Variants in SLC8A1 observed in about 807,000 individuals in gnomAD.
SLC8A1 encodes the protein solute carrier family 8 member A1.
SLC8A1 carries 18 observed loss-of-function variants against 68.3 expected under a neutral mutation model. The observed-to-expected ratio is 0.26, with a 90% confidence interval of 0.18 to 0.39. The LOEUF (loss-of-function observed/expected upper bound fraction) is 0.39. SLC8A1 is among the 10% of genes least tolerant of loss of function. The probability of loss-of-function intolerance (pLI) is 1.00; values close to 1 mark genes in which losing one functional copy is unlikely to be tolerated. For missense variants in SLC8A1, 985 were observed against 1,156.7 expected (o/e 0.85, Z 2.15); for synonymous variants, 475 against 415.5 (o/e 1.14, Z -1.74).
chr2:40,428,697 A>G (rs1697525354), exon 2 of SLC8A1: 1 of 1,613,840 alleles, frequency 6.2e-7, no homozygotes, highest in South Asian at 1.1e-5. Flanking sequence ...AAATAGTTAC[A>G]GTGGCAGTGG....
chr2:40,115,050 C>A (rs1035281038), exon 8 of SLC8A1: 6 of 317,964 alleles, frequency 1.9e-5, no homozygotes, highest in Middle Eastern at 9.0e-4. Flanking sequence ...GGCCCTGCCT[C>A]CATGCCTTGT....
chr2:40,371,385 C>T (rs1677996787), intron 2 of SLC8A1, among the ~76,000 whole-genome samples: 1 of 152,060 alleles, frequency 6.6e-6, no homozygotes, highest in Non-Finnish European at 1.5e-5. Context: ...AGGCCAGGGG[C>T]AGTCCTGTTG....
In SLC8A1 at chr2:40,174,941, G is replaced by C. The variant is rs548931611; in HGVS notation, c.1913-99C>G. 8.8e-4 allele frequency: 968 copies of C among 1,096,314 alleles called. 4 individuals carry two copies. The highest frequency in any genetic ancestry group is 2.2e-3 in the Middle Eastern group (11 of 4,898). The allele number at this position is 1,096,314 out of a possible 1,614,324, so 67.9% of individuals were successfully genotyped here. On this transcript the variant is annotated intron_variant, in intron 3 of 7. Coordinates refer to ENST00000406785, the Ensembl canonical transcript of SLC8A1. ...GCCTGACAACCCACCCAAGGTACTT[G>C]CCAAATTATATTTACAATTAAGAAG...
chr2:40,508,852 T>C (rs1706527268), intron 1 of SLC8A1, among the ~76,000 whole-genome samples: 1 of 152,138 alleles, frequency 6.6e-6, no homozygotes, highest in African/African-American at 2.4e-5. Flanking sequence ...TTAATCTTGG[T>C]TTCACATTAG....
intron 3 of SLC8A1, among the ~76,000 whole-genome samples, chr2:40,177,492 C>A (rs62148763): frequency 0.051 from 7,747 of 152,206 alleles, 500 homozygotes; most frequent in African/African-American, 0.15. Context: ...TTTATGTAAT[C>A]ATTTCTGAAT....
rs373528459 is a variant in SLC8A1, at chr2:40,137,273, T to C, written c.2437+2128A>G. 3.3e-5 allele frequency among the ~76,000 whole-genome samples: 5 copies of C among 152,144 alleles called. No homozygotes were observed. The East Asian group carries it at 5.8e-4, about 18-fold the overall frequency. On this transcript the variant is annotated intron_variant, in intron 7 of 7. Coordinates refer to ENST00000406785, the Ensembl canonical transcript of SLC8A1. ...TTGAGGGTATATTGGATAAGAGGTATTGGGGAGTAAAAACACTTTCAGGAA... is the reference window on the plus strand; with the variant it reads ...TTGAGGGTATATTGGATAAGAGGTACTGGGGAGTAAAAACACTTTCAGGAA...
rs1237823744 is a variant in SLC8A1, at chr2:40,398,673, ATAAT to A, written c.1808+29796_1808+29799del. ...AAAATATGTGAACATCTTTTTGTAA[ATAAT>A]TATTCATTTGAAACATTCTTTTAAA... On this transcript the variant is annotated intron_variant, in intron 2 of 7. Transcript: ENST00000406785. Among the ~76,000 whole-genome samples the A allele has an allele frequency of 6.6e-5, 10 of 152,348 alleles. No homozygotes were observed. The East Asian group carries it at 1.7e-3, about 26-fold the overall frequency.
At chr2:40,158,036 A>C (rs1215995090) in intron 6 of SLC8A1, among the ~76,000 whole-genome samples, 4 of 152,200 alleles carry the variant, frequency 2.6e-5, no homozygotes. Flanking sequence ...AAGAAAAGCA[A>C]ATCCCTATTT....
chr2:40,495,943 A>G lies in SLC8A1; in HGVS notation c.-25+16406T>C, dbSNP rs117526115. On this transcript the variant is annotated intron_variant, in intron 1 of 7. Transcript: ENST00000402441. ...GAAATTATGTGATTCTCAGGCAACA[A>G]AAAATTATCTATCTGTCTATCAATC... Among the ~76,000 whole-genome samples, 66 of 152,204 alleles carry G rather than the reference A, an allele frequency of 4.3e-4. 2 individuals are homozygous for G. In the East Asian group the frequency reaches 0.013, roughly 29 times the overall value.
chr2:40,204,976 G>T (rs960472366), intron 2 of SLC8A1, among the ~76,000 whole-genome samples: 8 of 151,818 alleles, frequency 5.3e-5, no homozygotes, highest in Non-Finnish European at 1.0e-4. Context: ...TCTTTCCATT[G>T]TTCACACTCA....
intron 2 of SLC8A1, among the ~76,000 whole-genome samples, chr2:40,336,937 G>A (rs1666156891): frequency 6.6e-6 from 1 of 152,110 alleles, no homozygotes; most frequent in African/African-American, 2.4e-5. Flanking sequence ...TATAGAGGTG[G>A]TGAATATAAA....
chr2:40,375,503 T>A (rs980433999), intron 2 of SLC8A1, among the ~76,000 whole-genome samples: 1 of 152,148 alleles, frequency 6.6e-6, no homozygotes, highest in African/African-American at 2.4e-5. Context: ...TTATGTTTCC[T>A]TTTCAACATG....
At chr2:40,337,914 T>A (rs1336952425) in intron 2 of SLC8A1, among the ~76,000 whole-genome samples, 1 of 152,170 alleles carries the variant, frequency 6.6e-6, no homozygotes, top group African/African-American at 2.4e-5. Context: ...CTTACTAGTA[T>A]TTAGTTCAAA....
At chr2:40,257,841 G>A (rs2064149034) in intron 2 of SLC8A1, among the ~76,000 whole-genome samples, 1 of 152,170 alleles carries the variant, frequency 6.6e-6, no homozygotes, top group African/African-American at 2.4e-5. Context: ...CTGGTTGGAT[G>A]GCAGAACCAC....
At chr2:40,167,370 C>G (rs1201169745) in intron 4 of SLC8A1, among the ~76,000 whole-genome samples, 2 of 152,030 alleles carry the variant, frequency 1.3e-5, no homozygotes, top group Non-Finnish European at 2.9e-5. Context: ...ATTTTACTTT[C>G]TATTTGTGGC....
intron 2 of SLC8A1, among the ~76,000 whole-genome samples, chr2:40,387,617 C>T (rs1013509793): frequency 2.0e-5 from 3 of 151,204 alleles, no homozygotes; most frequent in African/African-American, 7.4e-5. Context: ...TTATGTTGAA[C>T]TAGACTTATC....
chr2:40,128,611 T>A (rs2038653316), intron 7 of SLC8A1, among the ~76,000 whole-genome samples: 1 of 152,182 alleles, frequency 6.6e-6, no homozygotes, highest in African/African-American at 2.4e-5. Context: ...CATCAGGTAC[T>A]GCCCTAAGAG....
intron 1 of SLC8A1, among the ~76,000 whole-genome samples, chr2:40,493,739 C>T (rs1214386240): frequency 1.3e-5 from 2 of 151,090 alleles, no homozygotes; most frequent in African/African-American, 4.9e-5. Context: ...ACTGCAACCT[C>T]TGCCTCCCAG....
chr2:40,268,170 T>C (rs1216205317), intron 2 of SLC8A1, among the ~76,000 whole-genome samples: 1 of 152,102 alleles, frequency 6.6e-6, no homozygotes, highest in Non-Finnish European at 1.5e-5. Flanking sequence ...TTCCACTCCA[T>C]TGTGTGTGTG....
Sources: gnomAD v4.1 joint callset for allele counts (sites outside exome capture counted in the v4.1 genomes callset) on GRCh38, gnomAD v4.1.1 for gene constraint, MANE v1.5 for transcripts, NCBI Gene and HGNC (gene_info 2026-07-23, HGNC 2026-07-21) for gene names.